Variants in TRIM8 observed in about 807,000 individuals in gnomAD.
TRIM8 encodes the protein E3 ubiquitin-protein ligase TRIM8.
Under a neutral mutation model 55.7 loss-of-function variants are expected in TRIM8, and 9 were observed. That is an observed-to-expected ratio of 0.16 (90% CI 0.10 to 0.28). TRIM8 has a LOEUF of 0.28. Among genes scored for constraint, TRIM8 ranks in the 10% least tolerant of loss-of-function variants. The probability of loss-of-function intolerance (pLI) is 1.00; values close to 1 mark genes in which losing one functional copy is unlikely to be tolerated. For synonymous variants in TRIM8, 335 were observed against 333.3 expected (o/e 1.01, Z -0.06); for missense variants, 556 against 736.4 (o/e 0.76, Z 2.83).
intron 1 of TRIM8, among the ~76,000 whole-genome samples, chr10:102,650,601 C>T (rs1021589311): frequency 2.6e-5 from 4 of 152,208 alleles, no homozygotes; most frequent in African/African-American, 4.8e-5. Context: ...CTCCAGTGTA[C>T]GCAGTCCAGG....
At chr10:102,647,743 G>A (rs1387650387) in intron 1 of TRIM8, among the ~76,000 whole-genome samples, 1 of 152,050 alleles carries the variant, frequency 6.6e-6, no homozygotes, top group African/African-American at 2.4e-5. Flanking sequence ...CCTGGCACCT[G>A]CCTTAAAATC....
rs772977682 is a variant in TRIM8, at chr10:102,657,150, C to T, written c.1452C>T (p.His484=). The part of the protein sequence containing the change: ...YCSSVANHGG[H]QPYPRSGHFP... ...CTTCCGTGGCCAACCATGGCGGCCACCAGCCCTACCCCCGCTCCGGCCACT... is the reference window on the plus strand; with the variant it reads ...CTTCCGTGGCCAACCATGGCGGCCATCAGCCCTACCCCCGCTCCGGCCACT... Residue 484 remains histidine (H), a synonymous_variant, in exon 6 of 6, where the codon CAC becomes CAT. Transcript: ENST00000643721. 7.4e-6 allele frequency: 12 copies of T among 1,613,780 alleles called. No individual in the cohort carries two copies. The highest frequency in any genetic ancestry group is 1.0e-5 in the Non-Finnish European group (12 of 1,180,006).
intron 1 of TRIM8, among the ~76,000 whole-genome samples, chr10:102,652,827 G>C (rs1469809987): frequency 6.8e-6 from 1 of 147,948 alleles, no homozygotes; most frequent in African/African-American, 2.5e-5. Context: ...TTTTGAGACA[G>C]ACTTTCGCTC....
intron 1 of TRIM8, among the ~76,000 whole-genome samples, chr10:102,651,925 C>T (rs1022205064): frequency 1.3e-5 from 2 of 152,212 alleles, no homozygotes; most frequent in Non-Finnish European, 2.9e-5. Context: ...ATACCTGAGG[C>T]GGGCTCGGGG....
Position 102,644,908 on chromosome 10 carries a change from C to T in TRIM8, c.291C>T (p.Arg97=), listed in dbSNP as rs756719502. ...PAALHCVFCR[R]GPPLPAQKVC... is the part of the protein sequence containing the mutation. ...CGCTGCACTGCGTGTTCTGCCGCCG[C>T]GGCCCCCCGCTGCCCGCGCAGAAGG... The change falls in exon 1 of 6, where the codon CGC becomes CGT. Residue 97 remains arginine, a synonymous_variant. Transcript: ENST00000643721. The T allele has an allele frequency of 6.2e-7, 1 of 1,607,576 alleles. No individual in the cohort carries two copies. Among genetic ancestry groups the T allele is most frequent in the South Asian group, 1.1e-5 (1 of 90,680 alleles).
chr10:102,656,258 C>T lies in TRIM8; in HGVS notation c.933-12C>T. 6.2e-7 allele frequency: 1 copy of T among 1,614,186 alleles called. No individual in the cohort carries two copies. Among genetic ancestry groups the T allele is most frequent in the Non-Finnish European group, 8.5e-7 (1 of 1,180,008 alleles). On this transcript the variant is annotated splice_polypyrimidine_tract_variant and intron_variant, in intron 4 of 5. Coordinates refer to ENST00000643721, the MANE Select transcript of TRIM8 (RefSeq NM_030912.3). This position sits in a 1 kb window ranked among gnomAD's most constrained non-coding sequence, Gnocchi z 4.6. ...GCCTCCTCACAGCAGATGCCCCGTC[C>T]ACTGCCCCCAGGACCCAGACCTGCA... is the stretch of plus-strand genomic sequence containing the variant.
intron 3 of TRIM8, 126 bp from the exon 4 acceptor site, chr10:102,655,980 G>T (rs2064020030): frequency 1.4e-6 from 2 of 1,406,156 alleles, no homozygotes; most frequent in Non-Finnish European, 2.0e-6. Flanking sequence ...GCCACTTTCT[G>T]TCCAGAATGA....
chr10:102,645,014 C>T lies in TRIM8; in HGVS notation c.397C>T (p.Leu133Phe). 1 of 1,597,052 alleles carries T rather than the reference C, an allele frequency of 6.3e-7. No individual in the cohort carries two copies. The highest frequency in any genetic ancestry group is 2.2e-5 in the East Asian group (1 of 44,488). The change falls in exon 1 of 6, where the codon CTC becomes TTC. Residue 133 changes from leucine to phenylalanine, a missense_variant. Physicochemically the swap from Leu to Phe is conservative, Grantham distance 22. Around this residue, in one of 2 missense-constraint regions of TRIM8, gnomAD observed 165 missense variants for 295.3 expected, o/e 0.56. Transcript: ENST00000643721. ...GCAGCCCTCCACCGCCCGCGGGCAC[C>T]TCCTGGTGGAGGCGGACGACGTGCG... ...LQQPSTARGH[L>F]LVEADDVRAW...
chr10:102,645,596 G>A, intron 1 of TRIM8: 1 of 170,746 alleles, frequency 5.9e-6, no homozygotes, highest in Non-Finnish European at 1.2e-5. Flanking sequence ...CGGTGCCGCT[G>A]CTGTGGCTGA....
chr10:102,649,826 T>C (rs2063965944), intron 1 of TRIM8, among the ~76,000 whole-genome samples: 1 of 152,068 alleles, frequency 6.6e-6, no homozygotes, highest in African/African-American at 2.4e-5. Context: ...AAAGGGGGTT[T>C]AGGGCAGGCA....
chr10:102,654,760 C>T lies in TRIM8; in HGVS notation c.666+12C>T, dbSNP rs2064010000. The T allele has an allele frequency of 5.6e-6, 9 of 1,606,000 alleles. No homozygotes were observed. The highest frequency in any genetic ancestry group is 7.7e-6 in the Non-Finnish European group (9 of 1,172,712). ...AGCGCCTGGTGGAGGTAGCTAAGCC[C>T]AAGGCCATGCTGCGGGGTGGGGGTG... On this transcript the variant is annotated intron_variant, in intron 2 of 5. Coordinates refer to ENST00000643721, the MANE Select transcript of TRIM8 (RefSeq NM_030912.3).
chr10:102,648,483 G>C (rs1178145873), intron 1 of TRIM8, among the ~76,000 whole-genome samples: 1 of 152,200 alleles, frequency 6.6e-6, no homozygotes, highest in Non-Finnish European at 1.5e-5. Flanking sequence ...CAGAGGTTCA[G>C]AGTCAAGAAG....
At position 102,644,689 on chromosome 10, in the gene TRIM8, G is replaced by C; in HGVS notation, c.72G>C (p.Glu24Asp). Residue 24 changes from glutamate to aspartate, a missense_variant, in exon 1 of 6, where the codon GAG becomes GAC. Physicochemically the swap from Glu to Asp is conservative, Grantham distance 45 (BLOSUM62 2). This residue lies in a region of TRIM8 where 165 missense variants were observed against 295.3 expected (regional missense o/e 0.56). Transcript: ENST00000643721. ...CTATCTGCCTGCACGTTTTCGTGGA[G>C]CCAGTGCAGCTGCCGTGCAAACACA... ...ICPICLHVFV[E>D]PVQLPCKHNF... The C allele has an allele frequency of 5.6e-6, 9 of 1,613,576 alleles. No individual in the cohort carries two copies. Among genetic ancestry groups the C allele is most frequent in the South Asian group, 2.2e-5 (2 of 91,082 alleles).
Position 102,656,088 on chromosome 10 carries a change from C to G in TRIM8, c.901-18C>G. 1.2e-6 allele frequency: 2 copies of G among 1,614,144 alleles called. No homozygotes were observed. Among genetic ancestry groups the G allele is most frequent in the African/African-American group, 1.3e-5 (1 of 75,040 alleles). On this transcript the variant is annotated intron_variant, in intron 3 of 5. Transcript: ENST00000643721. This position sits in a 1 kb window ranked among gnomAD's most constrained non-coding sequence, Gnocchi z 4.6. ...GACTGCCTTTTCCACTGACTTGACTCTTTTCTCTCCCCAACAGAACACCAA... is the reference window on the plus strand; with the variant it reads ...GACTGCCTTTTCCACTGACTTGACTGTTTTCTCTCCCCAACAGAACACCAA...
chr10:102,653,574 C>T (rs1243522146), intron 1 of TRIM8: 2 of 152,706 alleles, frequency 1.3e-5, no homozygotes, highest in African/African-American at 4.8e-5. Context: ...GTTGTGGGGA[C>T]AGGAGATTAT....
intron 3 of TRIM8, 43 bp downstream of exon 3, chr10:102,655,356 AT>A (rs2064015939): frequency 6.4e-7 from 1 of 1,568,164 alleles, no homozygotes; most frequent in African/African-American, 1.4e-5. Flanking sequence ...CCAGAGGGCC[AT>A]TTCCAAATTG....
chr10:102,648,426 C>G (rs1029339351), intron 1 of TRIM8, among the ~76,000 whole-genome samples: 3 of 152,082 alleles, frequency 2.0e-5, no homozygotes, highest in Admixed American at 6.6e-5. Flanking sequence ...CCCTGGTGTC[C>G]CAGAGCAAGG....
At position 102,650,440 on chromosome 10, in the gene TRIM8, G is replaced by A. The variant is rs1451838332; in HGVS notation, c.571-4213G>A. 3.3e-5 allele frequency among the ~76,000 whole-genome samples: 5 copies of A among 152,242 alleles called. No individual in the cohort carries two copies. The South Asian group carries it at 6.2e-4, about 19-fold the overall frequency. On this transcript the variant is annotated intron_variant, in intron 1 of 5. Transcript: ENST00000643721. ...TCATGCTTTTGTCCTCATAGGCCCCGGGCAGATCACCAAAGGCCTGAGGCC... is the reference window on the plus strand; with the variant it reads ...TCATGCTTTTGTCCTCATAGGCCCCAGGCAGATCACCAAAGGCCTGAGGCC...
Position 102,644,614 on chromosome 10 carries a change from C to T in TRIM8, c.-4C>T. Reference sequence around the variant, plus strand: ...CCTGCCCCGGCCCCCTGCCCGCGGCCGCCATGGCGGAGAATTGGAAGAACT... The same window carrying T: ...CCTGCCCCGGCCCCCTGCCCGCGGCTGCCATGGCGGAGAATTGGAAGAACT... On this transcript the variant is annotated 5_prime_UTR_variant, in exon 1 of 6. Transcript: ENST00000643721. 6.2e-7 allele frequency: 1 copy of T among 1,611,210 alleles called. No homozygotes were observed. Among genetic ancestry groups the T allele is most frequent in the Non-Finnish European group, 8.5e-7 (1 of 1,179,326 alleles).
Sources: gnomAD v4.1 joint callset for allele counts (sites outside exome capture counted in the v4.1 genomes callset) on GRCh38, gnomAD v4.1.1 for gene constraint, gnomAD v4.1.1 regional missense constraint, Gnocchi (gnomAD v3.1) non-coding constraint, MANE v1.5 for transcripts, NCBI Gene and HGNC (gene_info 2026-07-23, HGNC 2026-07-21) for gene names.